Variants in SCHIP1 observed in about 807,000 individuals in gnomAD.
The protein encoded by SCHIP1 is schwannomin-interacting protein 1.
In SCHIP1, 8 loss-of-function variants were observed where a neutral mutation model predicts 29.7. The ratio of observed to expected loss-of-function variants is 0.27; its 90% CI spans 0.16 to 0.49. SCHIP1 has a LOEUF of 0.49. Among genes scored for constraint, SCHIP1 ranks in the 20% least tolerant of loss-of-function variants. The pLI is 0.99. For synonymous variants in SCHIP1, 76 were observed against 94.9 expected (o/e 0.80, Z 1.16); for missense variants, 193 against 294.6 (o/e 0.66, Z 2.52).
chr3:159,571,172 T>C, the SCHIP1 span, among the ~76,000 whole-genome samples: 7 of 152,222 alleles, frequency 4.6e-5, no homozygotes, highest in African/African-American at 1.4e-4. Flanking sequence ...TCCAACACTA[T>C]GTTGAATAGG....
the SCHIP1 span, among the ~76,000 whole-genome samples, chr3:159,551,352 C>A: frequency 6.6e-6 from 1 of 152,108 alleles, no homozygotes; most frequent in African/African-American, 2.4e-5. Context: ...CACCAAATCC[C>A]ATCTGAACTG....
chr3:159,791,412 G>A, the SCHIP1 span, among the ~76,000 whole-genome samples: 2 of 152,218 alleles, frequency 1.3e-5, no homozygotes, highest in African/African-American at 2.4e-5. Flanking sequence ...GGGAAGAGGC[G>A]ATGTTACCAG....
chr3:159,389,151 GAA>G, the SCHIP1 span, among the ~76,000 whole-genome samples: 1 of 151,870 alleles, frequency 6.6e-6, no homozygotes, highest in Non-Finnish European at 1.5e-5. Flanking sequence ...CTCCAATATA[GAA>G]AAGGCTCCTA....
chr3:159,705,476 G>T, the SCHIP1 span, among the ~76,000 whole-genome samples: 1 of 151,932 alleles, frequency 6.6e-6, no homozygotes, highest in Non-Finnish European at 1.5e-5. Context: ...AATAGAAAGA[G>T]ATTAGATGAA....
the SCHIP1 span, among the ~76,000 whole-genome samples, chr3:159,516,514 A>G: frequency 6.6e-6 from 1 of 152,070 alleles, no homozygotes; most frequent in African/African-American, 2.4e-5. Context: ...CTAACTCAAT[A>G]TGAAACTGCC....
chr3:159,429,083 T>C, the SCHIP1 span, among the ~76,000 whole-genome samples: 1 of 151,278 alleles, frequency 6.6e-6, no homozygotes, highest in East Asian at 2.0e-4. Flanking sequence ...CACTGGGAGA[T>C]ATACCTAATG....
At chr3:159,404,923 C>T in the SCHIP1 span, among the ~76,000 whole-genome samples, 1 of 152,302 alleles carries the variant, frequency 6.6e-6, no homozygotes, top group South Asian at 2.1e-4. Flanking sequence ...CCCTCACCTC[C>T]AGGAAATTCA....
At chr3:159,449,277 A>G in the SCHIP1 span, among the ~76,000 whole-genome samples, 4 of 151,996 alleles carry the variant, frequency 2.6e-5, no homozygotes, top group East Asian at 5.8e-4. Context: ...ACACAAGCCT[A>G]CAAGCTGAAT....
chr3:159,327,766 C>A, the SCHIP1 span, among the ~76,000 whole-genome samples: 3 of 152,076 alleles, frequency 2.0e-5, no homozygotes, highest in Non-Finnish European at 4.4e-5. Flanking sequence ...AATGCAGTCC[C>A]ATTTTATAGC....
chr3:159,643,400 C>G, the SCHIP1 span, among the ~76,000 whole-genome samples: 1 of 151,988 alleles, frequency 6.6e-6, no homozygotes, highest in Non-Finnish European at 1.5e-5. Context: ...TTGCAGTAGC[C>G]AAGCCCATGA....
intron 1 of SCHIP1, chr3:159,853,344 G>A (rs1266241343): frequency 1.5e-6 from 1 of 681,852 alleles, no homozygotes. Flanking sequence ...ATTCATGGGA[G>A]GTTATTTCTT....
chr3:159,312,473 G>T, the SCHIP1 span, among the ~76,000 whole-genome samples: 3 of 152,122 alleles, frequency 2.0e-5, no homozygotes, highest in African/African-American at 7.2e-5. Context: ...TGCCAATTTC[G>T]CAAGTGACGT....
the SCHIP1 span, among the ~76,000 whole-genome samples, chr3:159,828,369 A>ATG: frequency 4.3e-5 from 5 of 115,104 alleles, no homozygotes; most frequent in East Asian, 9.9e-4. Context: ...CTTTATATAT[A>ATG]TATATACATA....
chr3:159,351,903 C>T, the SCHIP1 span, among the ~76,000 whole-genome samples: 1 of 152,138 alleles, frequency 6.6e-6, no homozygotes, highest in African/African-American at 2.4e-5. Flanking sequence ...CATTCATTAT[C>T]CCTACCAATG....
chr3:159,351,848 G>T, the SCHIP1 span, among the ~76,000 whole-genome samples: 1 of 152,102 alleles, frequency 6.6e-6, no homozygotes, highest in African/African-American at 2.4e-5. Context: ...GAAGGGAGAG[G>T]TGACAGGTCA....
At chr3:159,508,238 T>C in the SCHIP1 span, among the ~76,000 whole-genome samples, 1 of 152,234 alleles carries the variant, frequency 6.6e-6, no homozygotes, top group Non-Finnish European at 1.5e-5. Context: ...CTCTAGATTT[T>C]CTAGTTTATT....
At chr3:159,294,846 T>C in the SCHIP1 span, among the ~76,000 whole-genome samples, 2 of 152,126 alleles carry the variant, frequency 1.3e-5, no homozygotes, top group African/African-American at 4.8e-5. Flanking sequence ...CTTGAACTAC[T>C]GAGTCTCCAT....
chr3:159,408,258 A>G, the SCHIP1 span, among the ~76,000 whole-genome samples: 2 of 152,052 alleles, frequency 1.3e-5, no homozygotes, highest in South Asian at 4.2e-4. Flanking sequence ...AGATCACACC[A>G]CTGCACTCCG....
chr3:159,819,198 C>T, the SCHIP1 span, among the ~76,000 whole-genome samples: 6 of 152,288 alleles, frequency 3.9e-5, no homozygotes, highest in East Asian at 1.2e-3. Context: ...TAACTTCCCC[C>T]AGTGCTGGTG....
Sources: allele counts gnomAD v4.1 joint callset (sites outside exome capture counted in the v4.1 genomes callset), GRCh38; gene constraint gnomAD v4.1.1; transcripts MANE v1.5; gene names NCBI Gene and HGNC (gene_info 2026-07-23, HGNC 2026-07-21).